The following ZC3H13 variants were observed in gnomAD, a reference collection of about 807,000 sequenced individuals.
ZC3H13 encodes zinc finger CCCH-type containing 13.
In ZC3H13, 64 loss-of-function variants were observed where a neutral mutation model predicts 204.1. The ratio of observed to expected loss-of-function variants is 0.31; its 90% CI spans 0.26 to 0.39. The LOEUF is 0.39. Among genes scored for constraint, ZC3H13 ranks in the 10% least tolerant of loss-of-function variants. The pLI is 1.00. For synonymous variants in ZC3H13, 667 were observed against 693.7 expected, an observed-to-expected ratio of 0.96 and a Z score of 0.60; for missense variants, 1,833 against 2,082.7, an observed-to-expected ratio of 0.88 and a Z score of 2.33.
At chr13:46,014,685 A>C (rs1298411154) in intron 5 of ZC3H13, among the ~76,000 whole-genome samples, 3 of 152,162 alleles carry the variant, frequency 2.0e-5, no homozygotes, top group East Asian at 3.9e-4. Context: ...CTCATTGCTA[A>C]AGTCTTAAAT....
At chr13:46,013,181 C>T (rs534485976) in intron 5 of ZC3H13, among the ~76,000 whole-genome samples, 15 of 152,186 alleles carry the variant, frequency 9.9e-5, no homozygotes, top group Admixed American at 7.8e-4. Flanking sequence ...TTTGGGAGGC[C>T]GAGGAGGGCG....
chr13:46,025,614 C>G (rs1014115342), intron 4 of ZC3H13, among the ~76,000 whole-genome samples: 6 of 152,116 alleles, frequency 3.9e-5, no homozygotes, highest in African/African-American at 1.4e-4. Context: ...CAGGTCTAAC[C>G]TCTCATTTTA....
intron 4 of ZC3H13, among the ~76,000 whole-genome samples, chr13:46,039,086 G>A (rs917008958): frequency 6.6e-6 from 1 of 152,122 alleles, no homozygotes; most frequent in Admixed American, 6.5e-5. Flanking sequence ...TTCTGTTTAA[G>A]TTTAGATAGT....
At chr13:46,048,306 G>A (rs547874767) in intron 1 of ZC3H13, among the ~76,000 whole-genome samples, 23 of 152,134 alleles carry the variant, frequency 1.5e-4, no homozygotes, top group East Asian at 3.9e-4. Context: ...CGCCGGGCGC[G>A]GTGGCTCACG....
intron 7 of ZC3H13, among the ~76,000 whole-genome samples, chr13:46,007,327 C>T (rs1405543556): frequency 6.6e-6 from 1 of 152,182 alleles, no homozygotes; most frequent in East Asian, 1.9e-4. Flanking sequence ...CAATTGTAAA[C>T]TATAGAGCTA....
At position 45,988,694 on chromosome 13, in the gene ZC3H13, C is replaced by T. The variant is rs1021413604; in HGVS notation, c.1255+93G>A. The T allele has an allele frequency of 4.1e-5, 58 of 1,410,358 alleles. No individual in the cohort carries two copies. In the South Asian group the frequency reaches 7.9e-4, roughly 19 times the overall value. The allele number at this position is 1,410,358 out of a possible 1,614,324, so 87.4% of individuals were successfully genotyped here. On this transcript the variant is annotated intron_variant, in intron 9 of 18. Coordinates refer to ENST00000679008, the MANE Select transcript of ZC3H13 (RefSeq NM_001330564.2). The stretch of plus-strand genomic sequence containing the variant: ...ATTCTAGTCTGTGTGTTACAGAAGA[C>T]TTAACATAGCAAAGTCTTTCTCCAT...
intron 8 of ZC3H13, among the ~76,000 whole-genome samples, chr13:45,995,030 C>G (rs1210367472): frequency 6.9e-6 from 1 of 144,302 alleles, no homozygotes; most frequent in African/African-American, 2.6e-5. Context: ...AAAAAAAAAA[C>G]GCCACCACCT....
At chr13:45,964,924 T>A (rs1951963903) in intron 16 of ZC3H13, among the ~76,000 whole-genome samples, 1 of 152,196 alleles carries the variant, frequency 6.6e-6, no homozygotes, top group Non-Finnish European at 1.5e-5. Flanking sequence ...TTGGCTTGTG[T>A]CACCACAGTT....
Position 46,052,742 on chromosome 13 carries a change from G to A in ZC3H13, c.-348C>T. 1 of 397,266 alleles carries A rather than the reference G, an allele frequency of 2.5e-6. No individual in the cohort carries two copies. Among genetic ancestry groups the A allele is most frequent in the African/African-American group, 2.1e-5 (1 of 48,750 alleles). 24.6% of individuals were successfully genotyped at this position (397,266 alleles called of 1,614,324 possible). On this transcript the variant is annotated 5_prime_UTR_variant, in exon 1 of 19. Transcript: ENST00000679008. The stretch of plus-strand genomic sequence containing the variant: ...CCTCAAAATGCCGCCGGAAGTCAGA[G>A]GTTTGCCCTGTTCCTCTGTAGACCC...
chr13:45,980,014 G>T lies in ZC3H13; in HGVS notation c.1721-10C>A. On this transcript the variant is annotated splice_polypyrimidine_tract_variant and intron_variant, in intron 10 of 18. Coordinates refer to ENST00000679008, the MANE Select transcript of ZC3H13 (RefSeq NM_001330564.2). ...CTTGAGCCTCGACTTCCTAAACAAA[G>T]GATAGACACACAAATGTTTACCACA... 1 of 1,579,476 alleles carries T rather than the reference G, an allele frequency of 6.3e-7. No homozygotes were observed. The highest frequency in any genetic ancestry group is 8.6e-7 in the Non-Finnish European group (1 of 1,166,790).
chr13:45,963,093 TAA>T, intron 17 of ZC3H13: 2 of 980,744 alleles, frequency 2.0e-6, no homozygotes, highest in Non-Finnish European at 2.4e-6. Flanking sequence ...TTGCCTGTAA[TAA>T]CTCATTTGCT....
intron 6 of ZC3H13, 104 bp downstream of exon 6, chr13:46,011,311 T>A: frequency 9.6e-7 from 1 of 1,040,828 alleles, no homozygotes; most frequent in Admixed American, 2.7e-5. Flanking sequence ...GATCAATATA[T>A]CAGTATACTA....
intron 4 of ZC3H13, 127 bp downstream of exon 4, chr13:46,042,037 T>C (rs1253225699): frequency 1.6e-6 from 1 of 641,076 alleles, no homozygotes; most frequent in African/African-American, 1.9e-5. Context: ...AATTACATTA[T>C]CCATATAGAA....
At chr13:45,988,534 G>A (rs2039723002) in intron 9 of ZC3H13, among the ~76,000 whole-genome samples, 1 of 152,164 alleles carries the variant, frequency 6.6e-6, no homozygotes, top group African/African-American at 2.4e-5. Flanking sequence ...TGAGATTACA[G>A]GCGTGAGCCA....
At chr13:46,024,041 G>A (rs1398612175) in intron 4 of ZC3H13, among the ~76,000 whole-genome samples, 1 of 152,164 alleles carries the variant, frequency 6.6e-6, no homozygotes, top group South Asian at 2.1e-4. Context: ...CAAGGAGAAT[G>A]GGATTATTCT....
At position 45,956,239 on chromosome 13, in the gene ZC3H13, G is replaced by A. The variant is rs1017697112; in HGVS notation, c.*888C>T. The A allele has an allele frequency of 6.6e-6, 1 of 152,072 alleles. No individual in the cohort carries two copies. The highest frequency in any genetic ancestry group is 6.6e-5 in the Admixed American group (1 of 15,248). The allele number at this position is 152,072 out of a possible 1,614,324, so 9.4% of individuals were successfully genotyped here. ...TTTGTTAACTCTTGATTTGCTTTGA[G>A]TAATTTTTTTCTTCAAAAGCCACAT... is the stretch of plus-strand genomic sequence containing the variant. On this transcript the variant is annotated 3_prime_UTR_variant, in exon 19 of 19. Transcript: ENST00000679008.
chr13:46,020,949 G>A (rs1044455296), intron 4 of ZC3H13, among the ~76,000 whole-genome samples: 5 of 151,874 alleles, frequency 3.3e-5, no homozygotes, highest in Admixed American at 6.6e-5. Context: ...AAACCACTGG[G>A]GAAAAGACAG....
In ZC3H13 at chr13:45,986,387, GT is replaced by G. The variant is rs1362507077; in HGVS notation, c.1256-627del. Among the ~76,000 whole-genome samples the G allele has an allele frequency of 3.9e-5, 6 of 152,302 alleles. No individual in the cohort carries two copies. The East Asian group carries it at 1.2e-3, about 29-fold the overall frequency. On this transcript the variant is annotated intron_variant, in intron 9 of 18. Coordinates refer to ENST00000679008, the MANE Select transcript of ZC3H13 (RefSeq NM_001330564.2). ...GTAGGAAGATCACTTGAATCCAGGA[GT>G]TTGAGTTCAGCCTGGGCAACATAGG...
In ZC3H13 at chr13:45,963,284, G is replaced by A. The variant is rs374370250; in HGVS notation, c.4675+558C>T. On this transcript the variant is annotated intron_variant, in intron 17 of 18. Transcript: ENST00000679008. ...ACTCAACCTACACACCTGCATTTGG[G>A]TAGATGTCTAGGGGAAAGGGCTGCC... 6 of 986,350 alleles carry A rather than the reference G, an allele frequency of 6.1e-6. No homozygotes were observed. The East Asian group carries it at 3.4e-4, about 56-fold the overall frequency. The allele number at this position is 986,350 out of a possible 1,614,324, so 61.1% of individuals were successfully genotyped here. A position where few individuals can be genotyped will look rare whatever the true frequency, so the allele number is the denominator to read the frequency against.
Sources: gnomAD v4.1 joint callset for allele counts (sites outside exome capture counted in the v4.1 genomes callset) on GRCh38, gnomAD v4.1.1 for gene constraint, MANE v1.5 for transcripts, NCBI Gene and HGNC (gene_info 2026-07-23, HGNC 2026-07-21) for gene names.